SULF2: variants seen among roughly 807,000 people sequenced by gnomAD.
SULF2 encodes the protein sulfatase 2.
Under a neutral mutation model 107.7 loss-of-function variants are expected in SULF2, and 52 were observed. That is an observed-to-expected ratio of 0.48 (90% CI 0.39 to 0.61). SULF2 has a LOEUF of 0.61. Among genes scored for constraint, SULF2 ranks in the 20% least tolerant of loss-of-function variants. The probability of loss-of-function intolerance (pLI) is 0.00; values close to 1 mark genes in which losing one functional copy is unlikely to be tolerated. For synonymous variants in SULF2, 460 were observed against 464.3 expected (o/e 0.99, Z 0.12); for missense variants, 993 against 1,177.3 (o/e 0.84, Z 2.29).
chr20:47,774,068 C>G (rs978371962), intron 1 of SULF2, among the ~76,000 whole-genome samples: 1 of 152,216 alleles, frequency 6.6e-6, no homozygotes, highest in Non-Finnish European at 1.5e-5. Flanking sequence ...AACAGCCCGA[C>G]ACTTACAATT....
At chr20:47,662,028 C>A in intron 17 of SULF2, 132 bp from the exon 18 acceptor site, 3 of 927,046 alleles carry the variant, frequency 3.2e-6, no homozygotes, top group Non-Finnish European at 2.9e-6. Context: ...CTGTTTACTC[C>A]AACTTCTGCA....
chr20:47,739,175 G>A (rs376886087), intron 2 of SULF2, among the ~76,000 whole-genome samples: 3 of 152,198 alleles, frequency 2.0e-5, no homozygotes, highest in African/African-American at 7.2e-5. Context: ...GTAAATTTCT[G>A]TTGTTTTAAG....
At chr20:47,690,033 T>A in intron 5 of SULF2, 93 bp downstream of exon 5, 1 of 1,202,172 alleles carries the variant, frequency 8.3e-7, no homozygotes, top group Non-Finnish European at 1.1e-6. Context: ...GGAGGCACAG[T>A]GAAGTCATGG....
At chr20:47,777,086 TAGTG>T (rs2090738467) in intron 1 of SULF2, among the ~76,000 whole-genome samples, 1 of 152,182 alleles carries the variant, frequency 6.6e-6, no homozygotes, top group Non-Finnish European at 1.5e-5. Flanking sequence ...GCTTGCTTTT[TAGTG>T]AGGAGAGAGA....
intron 5 of SULF2, 171 bp downstream of exon 5, chr20:47,689,955 G>T: frequency 3.2e-6 from 2 of 632,996 alleles, no homozygotes; most frequent in Non-Finnish European, 4.5e-6. Context: ...GCTGTCTGGA[G>T]TTGCATCCCA....
intron 11 of SULF2, among the ~76,000 whole-genome samples, chr20:47,671,643 C>A (rs1045307452): frequency 6.6e-6 from 1 of 152,168 alleles, no homozygotes; most frequent in African/African-American, 2.4e-5. Context: ...CTAGGGGAAG[C>A]ACAGAGCTGG....
intron 1 of SULF2, among the ~76,000 whole-genome samples, chr20:47,781,721 G>A (rs1271919596): frequency 2.6e-5 from 4 of 152,080 alleles, no homozygotes; most frequent in African/African-American, 9.7e-5. Flanking sequence ...GCAGGAGACA[G>A]GTGCTATGAT....
At chr20:47,684,300 C>T in intron 6 of SULF2, 131 bp downstream of exon 6, 1 of 989,846 alleles carries the variant, frequency 1.0e-6, no homozygotes, top group Non-Finnish European at 1.4e-6. Flanking sequence ...AGGTCTAGCA[C>T]ATGGGGCCTC....
At chr20:47,738,445 T>C (rs902613738) in intron 2 of SULF2, among the ~76,000 whole-genome samples, 1 of 152,240 alleles carries the variant, frequency 6.6e-6, no homozygotes, top group Non-Finnish European at 1.5e-5. Context: ...GACCATGTCC[T>C]AATTTCTGGA....
At chr20:47,748,106 G>A in intron 2 of SULF2, among the ~76,000 whole-genome samples, 1 of 152,122 alleles carries the variant, frequency 6.6e-6, no homozygotes, top group Non-Finnish European at 1.5e-5. Flanking sequence ...CCTTCCATCG[G>A]GCATGCAATC....
chr20:47,708,107 A>G (rs1039825897), intron 3 of SULF2, among the ~76,000 whole-genome samples: 1 of 152,250 alleles, frequency 6.6e-6, no homozygotes, highest in Non-Finnish European at 1.5e-5. Context: ...CTGGAATCAC[A>G]GGAGTGAACA....
intron 2 of SULF2, among the ~76,000 whole-genome samples, chr20:47,753,300 C>T (rs565054028): frequency 1.3e-5 from 2 of 152,256 alleles, no homozygotes; most frequent in African/African-American, 4.8e-5. Flanking sequence ...GTCCTTAACC[C>T]TCTGATACAA....
rs186683268 is a variant in SULF2 at position 47,675,302 on chromosome 20, T to C, written c.1380+1192A>G. Among the ~76,000 whole-genome samples, 173 of 152,122 alleles carry C rather than the reference T, an allele frequency of 1.1e-3. 1 individual carries two copies. Among genetic ancestry groups the C allele is most frequent in the Middle Eastern group, 3.4e-3 (1 of 294 alleles). On this transcript the variant is annotated intron_variant, in intron 10 of 20. Transcript: ENST00000688720. ...AGCTCTGGGAGGGCAGGAGCTTCTG[T>C]TGAGCATGTTCGAGGCTGTGGCCCT...
intron 1 of SULF2, among the ~76,000 whole-genome samples, chr20:47,780,869 G>A (rs566129054): frequency 5.3e-5 from 8 of 152,062 alleles, no homozygotes; most frequent in East Asian, 1.9e-4. Flanking sequence ...CATTTTCCCC[G>A]CCTTCTGACA....
chr20:47,773,345 G>A (rs1038271541), intron 1 of SULF2, among the ~76,000 whole-genome samples: 1 of 152,254 alleles, frequency 6.6e-6, no homozygotes, highest in Non-Finnish European at 1.5e-5. Context: ...GGCATGAGGA[G>A]GTGGCATAAG....
intron 3 of SULF2, among the ~76,000 whole-genome samples, chr20:47,718,196 G>A (rs764074276): frequency 1.3e-5 from 2 of 152,094 alleles, no homozygotes; most frequent in African/African-American, 4.8e-5. Flanking sequence ...TTGCATTTAA[G>A]TTCAGCTACC....
At chr20:47,721,571 C>A (rs553667501) in intron 3 of SULF2, among the ~76,000 whole-genome samples, 3 of 152,032 alleles carry the variant, frequency 2.0e-5, no homozygotes, top group Non-Finnish European at 4.4e-5. Context: ...GGTTTCACCA[C>A]GTTGGTCAGG....
At chr20:47,711,669 G>A (rs1337089940) in intron 3 of SULF2, among the ~76,000 whole-genome samples, 2 of 152,178 alleles carry the variant, frequency 1.3e-5, no homozygotes, top group Admixed American at 6.5e-5. Context: ...GAGCTGACTC[G>A]CTGAATCATG....
intron 3 of SULF2, among the ~76,000 whole-genome samples, chr20:47,721,592 A>T (rs551218398): frequency 2.0e-5 from 3 of 152,038 alleles, no homozygotes; most frequent in South Asian, 2.1e-4. Flanking sequence ...CTGGTCTCGA[A>T]CTCCTGACCT....
Sources: gnomAD v4.1 joint callset for allele counts (sites outside exome capture counted in the v4.1 genomes callset) on GRCh38, gnomAD v4.1.1 for gene constraint, MANE v1.5 for transcripts, NCBI Gene and HGNC (gene_info 2026-07-23, HGNC 2026-07-21) for gene names.